The following ZC3H14 variants were observed in gnomAD, a reference collection of about 807,000 sequenced individuals.
The protein encoded by ZC3H14 is zinc finger CCCH-type containing 14.
Under a neutral mutation model 92.4 loss-of-function variants are expected in ZC3H14, and 31 were observed. The ratio of observed to expected loss-of-function variants is 0.34; its 90% CI spans 0.25 to 0.45. The LOEUF is 0.45. Among genes scored for constraint, ZC3H14 ranks in the 20% least tolerant of loss-of-function variants. The probability of loss-of-function intolerance (pLI) is 1.00; values close to 1 mark genes in which losing one functional copy is unlikely to be tolerated. For synonymous variants in ZC3H14, 321 were observed against 300.9 expected (o/e 1.07, Z -0.69); for missense variants, 781 against 897.3 (o/e 0.87, Z 1.66).
At chr14:88,609,973 A>G (rs931422808) in intron 15 of ZC3H14, among the ~76,000 whole-genome samples, 170 bp downstream of exon 15, 2 of 152,198 alleles carry the variant, frequency 1.3e-5, no homozygotes, top group African/African-American at 2.4e-5. Context: ...CCTTAGGCCA[A>G]GTGGTCTGAA....
At position 88,613,199 on chromosome 14, in the gene ZC3H14, A is replaced by C. The variant is rs1028288702; in HGVS notation, c.*1448A>C. The C allele has an allele frequency of 6.6e-6, 1 of 152,116 alleles. No individual in the cohort carries two copies. The highest frequency in any genetic ancestry group is 6.5e-5 in the Admixed American group (1 of 15,268). 9.4% of individuals were successfully genotyped at this position (152,116 alleles called of 1,614,324 possible). On this transcript the variant is annotated 3_prime_UTR_variant, in exon 17 of 17. Transcript: ENST00000251038. ...CCACAGGAAAGGCTTGAAACACGAG[A>C]AGCAGCAAAGACAGAGCACACAAGT...
At chr14:88,585,344 T>G (rs1307909415) in intron 9 of ZC3H14, among the ~76,000 whole-genome samples, 1 of 151,690 alleles carries the variant, frequency 6.6e-6, no homozygotes, top group Non-Finnish European at 1.5e-5. Flanking sequence ...TCTACAATTT[T>G]AAACTAGTTT....
At chr14:88,565,344 T>C (rs1194837913) in intron 2 of ZC3H14, among the ~76,000 whole-genome samples, 2 of 152,146 alleles carry the variant, frequency 1.3e-5, no homozygotes, top group Non-Finnish European at 2.9e-5. Context: ...GGTTTCACCA[T>C]GTTGGCCAGG....
chr14:88,569,265 A>C (rs2080090249), intron 3 of ZC3H14, among the ~76,000 whole-genome samples: 1 of 152,034 alleles, frequency 6.6e-6, no homozygotes, highest in Admixed American at 6.6e-5. Flanking sequence ...ACAATGAGTT[A>C]CCTTTAGAGG....
chr14:88,590,180 C>G (rs1401838104), intron 9 of ZC3H14: 2 of 152,062 alleles, frequency 1.3e-5, no homozygotes, highest in African/African-American at 4.8e-5. Context: ...GCCTTGGTTA[C>G]TTGATTATTG....
At position 88,563,154 on chromosome 14, in the gene ZC3H14, C is replaced by T. The variant is rs2079083715; in HGVS notation, c.21C>T (p.Ile7=). MEIGTE[I]SRKIRSAIKG... is the part of the protein sequence containing the mutation. ...GAGCCATGGAGATCGGCACCGAGAT[C>T]AGCCGCAAGATCCGGGTGAGGCCCG... Residue 7 remains isoleucine (I), a synonymous_variant, in exon 1 of 17, where the codon ATC becomes ATT. Coordinates refer to ENST00000251038, the MANE Select transcript of ZC3H14 (RefSeq NM_024824.5). 1 of 1,603,284 alleles carries T rather than the reference C, an allele frequency of 6.2e-7. No homozygotes were observed. Among genetic ancestry groups the T allele is most frequent in the African/African-American group, 1.3e-5 (1 of 74,874 alleles).
In ZC3H14 at chr14:88,615,950, T is replaced by C. The variant is rs2087544083; in HGVS notation, c.*4199T>C. 1 of 1,421,412 alleles carries C rather than the reference T, an allele frequency of 7.0e-7. No homozygotes were observed. Among genetic ancestry groups the C allele is most frequent in the Non-Finnish European group, 9.6e-7 (1 of 1,040,562 alleles). The allele number at this position is 1,421,412 out of a possible 1,614,324, so 88.0% of individuals were successfully genotyped here. On this transcript the variant is annotated 3_prime_UTR_variant, in exon 17 of 17. Coordinates refer to ENST00000251038, the MANE Select transcript of ZC3H14 (RefSeq NM_024824.5). ...CAGTTGTGCTTTCAGGTTACATGTG[T>C]AATATTTTTCCTCTTTAACTCCTTT...
chr14:88,576,070 A>G (rs778561204), intron 8 of ZC3H14, 130 bp downstream of exon 8: 2 of 780,276 alleles, frequency 2.6e-6, no homozygotes, highest in South Asian at 1.7e-5. Context: ...TGAGGTTCCC[A>G]TATAGAAAAA....
At chr14:88,577,921 T>G (rs2081374787) in intron 8 of ZC3H14, 64 bp from the exon 9 acceptor site, 1 of 1,593,138 alleles carries the variant, frequency 6.3e-7, no homozygotes, top group Admixed American at 1.7e-5. Context: ...TATGACATAG[T>G]CACTGTGGAG....
chr14:88,615,908 A>G lies in ZC3H14; in HGVS notation c.*4157A>G, dbSNP rs1477571031. The G allele has an allele frequency of 3.2e-6, 5 of 1,565,534 alleles. No individual in the cohort carries two copies. Among genetic ancestry groups the G allele is most frequent in the Non-Finnish European group, 4.3e-6 (5 of 1,151,372 alleles). On this transcript the variant is annotated 3_prime_UTR_variant, in exon 17 of 17. Transcript: ENST00000251038. ...GTTAATTATGTTTTTAGATTTTCAT[A>G]ACAGTTTAATATTTTTCAGTTGTGC...
At position 88,620,721 on chromosome 14, in the gene ZC3H14, A is replaced by G; in HGVS notation, c.*8970A>G. 3 of 1,492,432 alleles carry G rather than the reference A, an allele frequency of 2.0e-6. No individual in the cohort carries two copies. The highest frequency in any genetic ancestry group is 2.7e-6 in the Non-Finnish European group (3 of 1,125,594). The allele number at this position is 1,492,432 out of a possible 1,614,324, so 92.4% of individuals were successfully genotyped here. On this transcript the variant is annotated 3_prime_UTR_variant, in exon 17 of 17. Coordinates refer to ENST00000251038, the MANE Select transcript of ZC3H14 (RefSeq NM_024824.5). The surrounding 1 kb of genome is among the most constrained non-coding windows in gnomAD (Gnocchi z 4.3). Reference sequence around the variant, plus strand: ...TACAAATGGAAGTTAAATCAAGTATATACTAGAAACTCTATTCCATTTGTT... The same window carrying G: ...TACAAATGGAAGTTAAATCAAGTATGTACTAGAAACTCTATTCCATTTGTT...
At chr14:88,577,798 GA>G (rs1376239937) in intron 8 of ZC3H14, among the ~76,000 whole-genome samples, 186 bp from the exon 9 acceptor site, 1 of 152,100 alleles carries the variant, frequency 6.6e-6, no homozygotes, top group Non-Finnish European at 1.5e-5. Context: ...TCAAACTCCT[GA>G]CCTCAAGTGA....
At chr14:88,598,120 G>A (rs921689896) in intron 10 of ZC3H14, among the ~76,000 whole-genome samples, 2 of 152,060 alleles carry the variant, frequency 1.3e-5, no homozygotes, top group African/African-American at 4.8e-5. Flanking sequence ...CTTTTATGCT[G>A]GAGGTTCCCC....
In ZC3H14 at chr14:88,602,873, G is replaced by GA; in HGVS notation, c.1561dup (p.Thr521AsnfsTer22). The GA allele has an allele frequency of 1.2e-6, 2 of 1,614,164 alleles. No individual in the cohort carries two copies. The highest frequency in any genetic ancestry group is 1.7e-6 in the Non-Finnish European group (2 of 1,180,022). Reference sequence around the variant, plus strand: ...AACCTGCAAGTCCCAAGTTTATAGTGACGCTGGATGGTGTCCCCAGCCCCC... The same window carrying GA: ...AACCTGCAAGTCCCAAGTTTATAGTGAACGCTGGATGGTGTCCCCAGCCCCC... On this transcript the variant is annotated frameshift_variant, in exon 12 of 17. Coordinates refer to ENST00000251038, the MANE Select transcript of ZC3H14 (RefSeq NM_024824.5). LOFTEE classifies it high-confidence loss of function.
chr14:88,618,339 A>G lies in ZC3H14; in HGVS notation c.*6588A>G. On this transcript the variant is annotated 3_prime_UTR_variant, in exon 17 of 17. Coordinates refer to ENST00000251038, the MANE Select transcript of ZC3H14 (RefSeq NM_024824.5). ...ATAGCAGCCACTAGAGACCTTTTTCATCAGATTAAAATGGGACAAGAATTC... is the reference window on the plus strand; with the variant it reads ...ATAGCAGCCACTAGAGACCTTTTTCGTCAGATTAAAATGGGACAAGAATTC... 6.2e-7 allele frequency: 1 copy of G among 1,612,118 alleles called. No homozygotes were observed. Among genetic ancestry groups the G allele is most frequent in the East Asian group, 2.2e-5 (1 of 44,850 alleles).
At chr14:88,575,679 T>TA (rs879689252) in intron 7 of ZC3H14, among the ~76,000 whole-genome samples, 161 bp from the exon 8 acceptor site, 26 of 146,210 alleles carry the variant, frequency 1.8e-4, no homozygotes, top group African/African-American at 4.7e-4. Flanking sequence ...AGAGTCTGTC[T>TA]AAAAAAAAAA....
intron 9 of ZC3H14, among the ~76,000 whole-genome samples, chr14:88,595,595 GTAA>G (rs1313629464): frequency 6.6e-5 from 10 of 152,066 alleles, no homozygotes; most frequent in African/African-American, 2.4e-4. Context: ...TTTTTTTATG[GTAA>G]TAATTCTGGA....
In ZC3H14 at chr14:88,622,567, T is replaced by C. The variant is rs1327838342; in HGVS notation, c.*10816T>C. 2 of 1,474,350 alleles carry C rather than the reference T, an allele frequency of 1.4e-6. No homozygotes were observed. The highest frequency in any genetic ancestry group is 2.2e-5 in the Admixed American group (1 of 46,308). 91.3% of individuals were successfully genotyped at this position (1,474,350 alleles called of 1,614,324 possible). A position where few individuals can be genotyped will look rare whatever the true frequency, so the allele number is the denominator to read the frequency against. Reference sequence around the variant, plus strand: ...AATCACAGTAATAACCACTTTCTGTTTTCTGCTGCACTGTATCAGCTCATG... The same window carrying C: ...AATCACAGTAATAACCACTTTCTGTCTTCTGCTGCACTGTATCAGCTCATG... On this transcript the variant is annotated 3_prime_UTR_variant, in exon 17 of 17. Transcript: ENST00000251038.
intron 1 of ZC3H14, chr14:88,563,383 TGGAA>T: frequency 7.0e-7 from 1 of 1,438,566 alleles, no homozygotes; most frequent in Middle Eastern, 2.6e-4. Flanking sequence ...CGCCGGGAAA[TGGAA>T]GGACAGGCGC....
Sources: allele counts gnomAD v4.1 joint callset (sites outside exome capture counted in the v4.1 genomes callset), GRCh38; gene constraint gnomAD v4.1.1; non-coding constraint Gnocchi (gnomAD v3.1); transcripts MANE v1.5; gene names NCBI Gene and HGNC (gene_info 2026-07-23, HGNC 2026-07-21).